The following SLC25A53 variants were observed in gnomAD, a reference collection of about 807,000 sequenced individuals.
SLC25A53 encodes the protein mitochondrial carrier triple repeat protein 6.
Under a neutral mutation model 15.0 loss-of-function variants are expected in SLC25A53, and 5 were observed. That is an observed-to-expected ratio of 0.33 (90% CI 0.17 to 0.70). The LOEUF (loss-of-function observed/expected upper bound fraction) is 0.70. Among genes scored for constraint, SLC25A53 ranks in the 30% least tolerant of loss-of-function variants. The probability of loss-of-function intolerance (pLI) is 0.67; values close to 1 mark genes in which losing one functional copy is unlikely to be tolerated. For synonymous variants in SLC25A53, 95 were observed against 100.0 expected (o/e 0.95, Z 0.30); for missense variants, 216 against 241.6 (o/e 0.89, Z 0.70).
chrX:104,109,313 G>A (rs1411280207), intron 1 of SLC25A53, among the ~76,000 whole-genome samples: 1 of 111,613 alleles, frequency 9.0e-6, no homozygotes, highest in Admixed American at 9.5e-5. Context: ...GATACAGGCA[G>A]CCCTGGGTTT....
intron 1 of SLC25A53, among the ~76,000 whole-genome samples, chrX:104,141,696 T>A (rs782111213): frequency 9.0e-6 from 1 of 111,306 alleles, no homozygotes; most frequent in African/African-American, 3.3e-5. Flanking sequence ...CAAGCGATCC[T>A]CCCACCTCAG....
At position 104,104,437 on chromosome X, in the gene SLC25A53, G is replaced by T. The variant is rs1182321553; in HGVS notation, c.821C>A (p.Ser274Tyr). 7.4e-6 allele frequency: 9 copies of T among 1,210,303 alleles called. No individual in the cohort carries two copies. In the East Asian group the frequency reaches 2.7e-4, roughly 36 times the overall value. ...CACACTGGACCTTAGGATGACTAGG[G>T]AGCCTCCACGGTAGATCAGGAGCAG... is the stretch of plus-strand genomic sequence containing the variant. The part of the protein sequence containing the change: ...RKLLLIYRGG[S>Y]LVILRSSVTW... Residue 274 changes from serine to tyrosine, a missense_variant, in exon 2 of 2, where the codon TCC (serine) becomes TAC (tyrosine). Physicochemically the swap from Ser to Tyr is moderately radical, Grantham distance 144 (BLOSUM62 -2). Transcript: ENST00000594199.
In SLC25A53 at chrX:104,103,384, G is replaced by T. The variant is rs1284260070; in HGVS notation, c.*950C>A. 1 of 111,662 alleles carries T rather than the reference G, an allele frequency of 9.0e-6. No homozygotes were observed. Among genetic ancestry groups the T allele is most frequent in the Non-Finnish European group, 1.9e-5 (1 of 53,197 alleles). 9.2% of individuals were successfully genotyped at this position (111,662 alleles called of 1,213,427 possible). ...TAGTTCATTATGGCTAGTGTTTGGG[G>T]TTTATGTAAGTGGAGTGACAATATG... On this transcript the variant is annotated 3_prime_UTR_variant, in exon 2 of 2. Transcript: ENST00000594199.
At chrX:104,124,393 C>T (rs2075403999) in intron 1 of SLC25A53, among the ~76,000 whole-genome samples, 1 of 111,576 alleles carries the variant, frequency 9.0e-6, no homozygotes, top group Non-Finnish European at 1.9e-5. Flanking sequence ...ATCTTTTGCC[C>T]ACTTTTTGAT....
intron 1 of SLC25A53, among the ~76,000 whole-genome samples, chrX:104,120,039 G>A (rs2075388647): frequency 8.9e-6 from 1 of 111,743 alleles, no homozygotes; most frequent in Non-Finnish European, 1.9e-5. Flanking sequence ...CAACCTGGTT[G>A]CATGCGGCAT....
chrX:104,137,107 AG>A (rs1454290887), intron 1 of SLC25A53, among the ~76,000 whole-genome samples: 1 of 111,462 alleles, frequency 9.0e-6, no homozygotes, highest in Non-Finnish European at 1.9e-5. Context: ...AGGAACAGAA[AG>A]GTTGGGTAAA....
At chrX:104,142,689 T>C (rs2075454104) in intron 1 of SLC25A53, among the ~76,000 whole-genome samples, 1 of 107,691 alleles carries the variant, frequency 9.3e-6, no homozygotes, top group Non-Finnish European at 1.9e-5. Context: ...AGAGGGCGGG[T>C]GATTTCTCGA....
intron 1 of SLC25A53, among the ~76,000 whole-genome samples, chrX:104,126,632 C>T (rs181379311): frequency 9.0e-6 from 1 of 111,273 alleles, no homozygotes; most frequent in East Asian, 2.8e-4. Flanking sequence ...ATCTGGGTGA[C>T]AGAGTGAGAC....
At chrX:104,129,856 A>G (rs1569463094) in intron 1 of SLC25A53, among the ~76,000 whole-genome samples, 2 of 50,418 alleles carry the variant, frequency 4.0e-5, no homozygotes, top group Non-Finnish European at 7.7e-5. Context: ...ATCCACACAA[A>G]TGTATGTGTG....
chrX:104,122,410 C>G (rs1220039862), intron 1 of SLC25A53, among the ~76,000 whole-genome samples: 2 of 104,425 alleles, frequency 1.9e-5, no homozygotes, highest in African/African-American at 7.0e-5. Flanking sequence ...TCTCTGAAGA[C>G]CAACAGCAGA....
chrX:104,153,124 GT>G (rs1373170395), intron 1 of SLC25A53, among the ~76,000 whole-genome samples: 2 of 111,158 alleles, frequency 1.8e-5, no homozygotes, highest in East Asian at 5.6e-4. Context: ...GTGTTCTAGA[GT>G]AAATAAAATG....
At chrX:104,107,781 G>T (rs1275192642) in intron 1 of SLC25A53, among the ~76,000 whole-genome samples, 5 of 111,874 alleles carry the variant, frequency 4.5e-5, no homozygotes, top group African/African-American at 1.6e-4. Context: ...CCCCAGAAAG[G>T]CCAGGAAGCA....
intron 1 of SLC25A53, among the ~76,000 whole-genome samples, chrX:104,149,478 G>A (rs782574502): frequency 4.6e-4 from 52 of 112,242 alleles, no homozygotes; most frequent in South Asian, 1.5e-3. Context: ...CTGGAACCTC[G>A]GCTAGGGCTG....
chrX:104,142,057 C>A (rs1453078503), intron 1 of SLC25A53, among the ~76,000 whole-genome samples: 4 of 111,725 alleles, frequency 3.6e-5, no homozygotes, highest in Non-Finnish European at 7.5e-5. Flanking sequence ...TCAGCCTGGG[C>A]AACATGGTTA....
At chrX:104,151,476 G>C (rs1340169930) in intron 1 of SLC25A53, among the ~76,000 whole-genome samples, 1 of 111,480 alleles carries the variant, frequency 9.0e-6, no homozygotes, top group Admixed American at 9.6e-5. Context: ...CTCACTTGAT[G>C]CAAGGACTCT....
chrX:104,116,516 G>C (rs1463449137), intron 1 of SLC25A53, among the ~76,000 whole-genome samples: 3 of 111,076 alleles, frequency 2.7e-5, no homozygotes, highest in African/African-American at 9.9e-5. Context: ...ACAGGGGAGA[G>C]GGGGAGGGGT....
intron 1 of SLC25A53, among the ~76,000 whole-genome samples, chrX:104,121,916 T>TG (rs1556362906): frequency 2.3e-5 from 1 of 44,277 alleles, no homozygotes; most frequent in African/African-American, 8.4e-5. Context: ...TATATATATA[T>TG]ATATATATAT....
At chrX:104,108,289 G>A (rs1465499381) in intron 1 of SLC25A53, among the ~76,000 whole-genome samples, 3 of 111,396 alleles carry the variant, frequency 2.7e-5, no homozygotes, top group African/African-American at 9.8e-5. Flanking sequence ...CTACAAAACA[G>A]GGGTATTAAG....
intron 1 of SLC25A53, among the ~76,000 whole-genome samples, chrX:104,143,980 A>T (rs1324974186): frequency 2.7e-5 from 3 of 111,670 alleles, no homozygotes; most frequent in Non-Finnish European, 5.6e-5. Flanking sequence ...TCAACCCAGA[A>T]TTTCATATCC....
Sources: allele counts gnomAD v4.1 joint callset (sites outside exome capture counted in the v4.1 genomes callset), GRCh38; gene constraint gnomAD v4.1.1; transcripts MANE v1.5; gene names NCBI Gene and HGNC (gene_info 2026-07-23, HGNC 2026-07-21).